The following SH3GL3 variants were observed in gnomAD, a reference collection of about 807,000 sequenced individuals.
SH3GL3 encodes endophilin-A3.
In SH3GL3, 33 loss-of-function variants were observed where a neutral mutation model predicts 47.7. That is an observed-to-expected ratio of 0.69 (90% CI 0.52 to 0.92). SH3GL3 has a LOEUF of 0.92. Among genes scored for constraint, SH3GL3 ranks in the 40% least tolerant of loss-of-function variants. SH3GL3 has a pLI of 0.00. For synonymous variants in SH3GL3, 155 were observed against 148.8 expected, an observed-to-expected ratio of 1.04 and a Z score of -0.30; for missense variants, 363 against 417.8, an observed-to-expected ratio of 0.87 and a Z score of 1.14.
At chr15:83,492,057 G>A (rs528037262) in intron 1 of SH3GL3, among the ~76,000 whole-genome samples, 46 of 152,230 alleles carry the variant, frequency 3.0e-4, no homozygotes, top group African/African-American at 9.4e-4. Flanking sequence ...GGCCTAGGCC[G>A]GCAGATCACG....
intron 1 of SH3GL3, among the ~76,000 whole-genome samples, chr15:83,508,581 C>CT (rs1185421640): frequency 6.0e-5 from 9 of 149,096 alleles, no homozygotes; most frequent in Non-Finnish European, 1.2e-4. Context: ...GATGGGCTTA[C>CT]TTTTTTTTTT....
intron 1 of SH3GL3, among the ~76,000 whole-genome samples, chr15:83,498,211 A>G (rs2042155827): frequency 6.6e-6 from 1 of 152,094 alleles, no homozygotes; most frequent in Non-Finnish European, 1.5e-5. Context: ...CCATCCAAAC[A>G]TTTTCATCAC....
the SH3GL3 span, among the ~76,000 whole-genome samples, chr15:83,631,124 C>CA: frequency 1.8e-4 from 28 of 152,310 alleles, no homozygotes; most frequent in African/African-American, 6.3e-4. Context: ...CATTAAACCT[C>CA]AAAGTTCCAA....
chr15:83,510,840 G>T (rs956339396), intron 1 of SH3GL3, among the ~76,000 whole-genome samples: 4 of 152,024 alleles, frequency 2.6e-5, no homozygotes, highest in African/African-American at 9.6e-5. Context: ...GCAAAGGACT[G>T]CTTAGAGCAT....
At chr15:83,485,637 C>T (rs1014724365) in intron 1 of SH3GL3, among the ~76,000 whole-genome samples, 3 of 151,388 alleles carry the variant, frequency 2.0e-5, no homozygotes, top group African/African-American at 7.3e-5. Context: ...GCGTATGCCA[C>T]CACACCTAGC....
intron 8 of SH3GL3, among the ~76,000 whole-genome samples, chr15:83,609,688 C>T (rs993706721): frequency 3.3e-5 from 5 of 152,246 alleles, no homozygotes; most frequent in South Asian, 2.1e-4. Context: ...TGGGCTCCTT[C>T]GGTGGTCTGA....
intron 5 of SH3GL3, among the ~76,000 whole-genome samples, chr15:83,573,286 T>C (rs2059587404): frequency 6.6e-6 from 1 of 152,236 alleles, no homozygotes; most frequent in African/African-American, 2.4e-5. Context: ...CTTATGGATA[T>C]GTACAGAAGA....
In SH3GL3 at chr15:83,447,630, C is replaced by G. The variant is rs1028118717; in HGVS notation, c.45+52C>G. 1 of 1,337,790 alleles carries G rather than the reference C, an allele frequency of 7.5e-7. No individual in the cohort carries two copies. Among genetic ancestry groups the G allele is most frequent in the East Asian group, 3.0e-5 (1 of 32,916 alleles). 82.9% of individuals were successfully genotyped at this position (1,337,790 alleles called of 1,614,324 possible). Reference sequence around the variant, plus strand: ...GGGAGGGGGACGCGGAGGCTGCGGCCCCCCGAGGCTCCCGGGCCTTTGGGA... The same window carrying G: ...GGGAGGGGGACGCGGAGGCTGCGGCGCCCCGAGGCTCCCGGGCCTTTGGGA... On this transcript the variant is annotated intron_variant, in intron 1 of 8. Transcript: ENST00000427482. This position sits in a 1 kb window ranked among gnomAD's most constrained non-coding sequence, Gnocchi z 5.1.
chr15:83,621,098 T>C (rs1376768155), downstream of SH3GL3, among the ~76,000 whole-genome samples: 1 of 152,244 alleles, frequency 6.6e-6, no homozygotes, highest in African/African-American at 2.4e-5. Context: ...ATGCAGCTGG[T>C]TGATCATCAG....
intron 1 of SH3GL3, among the ~76,000 whole-genome samples, chr15:83,462,405 G>A (rs1840435964): frequency 6.6e-6 from 1 of 152,182 alleles, no homozygotes; most frequent in South Asian, 2.1e-4. Context: ...AAATCCCTTA[G>A]TCCACTTATT....
rs145348160 is a variant in SH3GL3, at chr15:83,544,409, G to A, written c.46-14844G>A. On this transcript the variant is annotated intron_variant, in intron 1 of 8. Coordinates refer to ENST00000427482, the MANE Select transcript of SH3GL3 (RefSeq NM_003027.5). The stretch of plus-strand genomic sequence containing the variant: ...TATCCTTGAGAATGATTGCTGAGGA[G>A]AAGAATGTGTATTCTGCAGCTGTTG... Among the ~76,000 whole-genome samples the A allele has an allele frequency of 4.8e-3, 723 of 152,124 alleles. 4 individuals carry two copies. Among genetic ancestry groups the A allele is most frequent in the African/African-American group, 0.017 (693 of 41,544 alleles).
intron 1 of SH3GL3, among the ~76,000 whole-genome samples, chr15:83,482,849 G>C (rs1279974044): frequency 6.6e-6 from 1 of 152,040 alleles, no homozygotes; most frequent in Admixed American, 6.5e-5. Flanking sequence ...TCTCTCATTT[G>C]GTTTCCTTTG....
chr15:83,587,137 A>G (rs1286623429), intron 7 of SH3GL3, 51 bp downstream of exon 7: 2 of 918,540 alleles, frequency 2.2e-6, no homozygotes, highest in African/African-American at 1.6e-5. Context: ...GGTAACATCT[A>G]TTGAAATCCA....
chr15:83,483,689 A>C (rs1317546959), intron 1 of SH3GL3, among the ~76,000 whole-genome samples: 1 of 152,176 alleles, frequency 6.6e-6, no homozygotes, highest in Non-Finnish European at 1.5e-5. Context: ...GGGTCTGCCC[A>C]AAGTTAGAGA....
chr15:83,586,016 A>C (rs1284369707), intron 6 of SH3GL3, among the ~76,000 whole-genome samples: 1 of 152,208 alleles, frequency 6.6e-6, no homozygotes, highest in Non-Finnish European at 1.5e-5. Flanking sequence ...GCTGAGTAGA[A>C]AATGAAGTAT....
chr15:83,486,598 A>T (rs2041607846), intron 1 of SH3GL3, among the ~76,000 whole-genome samples: 1 of 152,180 alleles, frequency 6.6e-6, no homozygotes, highest in Admixed American at 6.5e-5. Context: ...TGGCTGTATA[A>T]TATTCCATTG....
chr15:83,486,925 C>T (rs1304104943), intron 1 of SH3GL3, among the ~76,000 whole-genome samples: 1 of 152,212 alleles, frequency 6.6e-6, no homozygotes, highest in South Asian at 2.1e-4. Context: ...GCCTCTCTTC[C>T]TCTTCTTTAT....
intron 1 of SH3GL3, among the ~76,000 whole-genome samples, chr15:83,540,096 T>A (rs1433482322): frequency 3.3e-5 from 5 of 152,196 alleles, no homozygotes; most frequent in Admixed American, 1.3e-4. Context: ...TATGCATGTG[T>A]TGTTTAATTT....
intron 3 of SH3GL3, among the ~76,000 whole-genome samples, chr15:83,567,722 G>A (rs965073902): frequency 7.9e-5 from 12 of 152,104 alleles, no homozygotes; most frequent in Non-Finnish European, 1.0e-4. Context: ...GTGTGCGTGC[G>A]CGCGCATGTG....
Sources: gnomAD v4.1 joint callset for allele counts (sites outside exome capture counted in the v4.1 genomes callset) on GRCh38, gnomAD v4.1.1 for gene constraint, Gnocchi (gnomAD v3.1) non-coding constraint, MANE v1.5 for transcripts, NCBI Gene and HGNC (gene_info 2026-07-23, HGNC 2026-07-21) for gene names.